The following GSK3B variants were observed in gnomAD, a reference collection of about 807,000 sequenced individuals.
GSK3B encodes glycogen synthase kinase-3 beta.
A neutral mutation model predicts 56.4 loss-of-function variants in GSK3B; 15 were observed. The observed-to-expected ratio is 0.27, with a 90% CI of 0.18 to 0.41. The LOEUF (loss-of-function observed/expected upper bound fraction) is 0.41. Ranked by LOEUF, GSK3B falls within the 10% of genes least tolerant of loss-of-function variation. The probability of loss-of-function intolerance (pLI) is 1.00; values close to 1 mark genes in which losing one functional copy is unlikely to be tolerated. For synonymous variants in GSK3B, 181 were observed against 188.9 expected, an observed-to-expected ratio of 0.96 and a Z score of 0.34; for missense variants, 300 against 513.4, an observed-to-expected ratio of 0.58 and a Z score of 4.02.
At chr3:119,921,896 G>A (rs1166776620) in intron 4 of GSK3B, among the ~76,000 whole-genome samples, 2 of 152,066 alleles carry the variant, frequency 1.3e-5, no homozygotes, top group Non-Finnish European at 1.5e-5. Context: ...TCAGTACTTG[G>A]GGAGTCCCAG....
intron 1 of GSK3B, among the ~76,000 whole-genome samples, chr3:120,075,416 G>GA (rs924133406): frequency 1.3e-5 from 2 of 149,984 alleles, no homozygotes; most frequent in Admixed American, 1.3e-4. Context: ...CAAGAAAAAG[G>GA]AAAAAAAAAG....
chr3:119,926,709 C>A (rs561218295), intron 3 of GSK3B, among the ~76,000 whole-genome samples: 17 of 152,286 alleles, frequency 1.1e-4, no homozygotes, highest in Non-Finnish European at 1.8e-4. Flanking sequence ...TACTTCCCTG[C>A]TATTTCTTGA....
chr3:119,921,906 G>C (rs946400664), intron 4 of GSK3B, among the ~76,000 whole-genome samples: 1 of 152,146 alleles, frequency 6.6e-6, no homozygotes, highest in African/African-American at 2.4e-5. Context: ...GGGAGTCCCA[G>C]CTGGTGGATC....
intron 9 of GSK3B, among the ~76,000 whole-genome samples, chr3:119,854,331 T>C (rs909320131): frequency 6.6e-6 from 1 of 152,222 alleles, no homozygotes; most frequent in African/African-American, 2.4e-5. Flanking sequence ...CAGTATTTTA[T>C]TGAAGATTTT....
chr3:120,014,215 A>G (rs950093801), intron 1 of GSK3B, among the ~76,000 whole-genome samples: 6 of 151,986 alleles, frequency 3.9e-5, no homozygotes, highest in Admixed American at 2.0e-4. Flanking sequence ...TCACATCTGC[A>G]ATCCCAGCAC....
intron 8 of GSK3B, among the ~76,000 whole-genome samples, chr3:119,872,126 CCTAA>C (rs2056256897): frequency 6.6e-6 from 1 of 152,020 alleles, no homozygotes; most frequent in Admixed American, 6.6e-5. Flanking sequence ...ATTAAAAATC[CCTAA>C]TCAACCCTAA....
intron 1 of GSK3B, among the ~76,000 whole-genome samples, chr3:120,059,009 C>CAA (rs1358575864): frequency 3.1e-5 from 2 of 64,666 alleles, no homozygotes; most frequent in Non-Finnish European, 3.3e-5. Context: ...GACTCTGTCT[C>CAA]AAAAAAAAAA....
chr3:120,040,560 T>C (rs566250795), intron 1 of GSK3B, among the ~76,000 whole-genome samples: 1 of 151,702 alleles, frequency 6.6e-6, no homozygotes, highest in East Asian at 1.9e-4. Context: ...CAGAGAAGAA[T>C]AGGCAAGAAG....
Position 120,037,209 on chromosome 3 carries a change from T to C in GSK3B, c.89-34970A>G, listed in dbSNP as rs150223134. 2.2e-4 allele frequency among the ~76,000 whole-genome samples: 33 copies of C among 152,380 alleles called. 2 individuals carry two copies. In the East Asian group the frequency reaches 5.6e-3, roughly 26 times the overall value. ...TGCCCTAAAGGACCCTTGTTTATCT[T>C]ACTGGCCTTCCAGTTCTAACTTTAA... On this transcript the variant is annotated intron_variant, in intron 1 of 10. Coordinates refer to ENST00000264235, the MANE Select transcript of GSK3B (RefSeq NM_001146156.2).
At chr3:119,926,880 T>C (rs1307736902) in intron 3 of GSK3B, among the ~76,000 whole-genome samples, 1 of 152,164 alleles carries the variant, frequency 6.6e-6, no homozygotes, top group Non-Finnish European at 1.5e-5. Context: ...CTTTCCTTAA[T>C]CATTCCATTT....
At chr3:120,067,839 A>C (rs2058292764) in intron 1 of GSK3B, among the ~76,000 whole-genome samples, 1 of 152,346 alleles carries the variant, frequency 6.6e-6, no homozygotes, top group East Asian at 1.9e-4. Context: ...TACCAATTGA[A>C]AGGAGAGTTA....
rs573222862 is a variant in GSK3B, at chr3:119,882,871, C to T, written c.814-6363G>A. 3.9e-5 allele frequency among the ~76,000 whole-genome samples: 6 copies of T among 152,300 alleles called. No individual in the cohort carries two copies. The South Asian group carries it at 1.0e-3, about 26-fold the overall frequency. ...AAGGTTTCTTTATTATATTTACAAT[C>T]AGTGGTCAGAGTTTTAACTAGCTAT... On this transcript the variant is annotated intron_variant, in intron 7 of 10. Transcript: ENST00000264235.
chr3:119,950,160 A>T (rs1471429656), intron 2 of GSK3B, among the ~76,000 whole-genome samples: 2 of 152,244 alleles, frequency 1.3e-5, no homozygotes, highest in Non-Finnish European at 1.5e-5. Flanking sequence ...ACGTTAAAAA[A>T]TTTTTAGAAA....
At chr3:119,996,036 C>T (rs970000004) in intron 2 of GSK3B, among the ~76,000 whole-genome samples, 7 of 152,178 alleles carry the variant, frequency 4.6e-5, no homozygotes, top group African/African-American at 1.7e-4. Flanking sequence ...CCACTCCTGG[C>T]CTAAGCCTGA....
chr3:119,934,631 T>C (rs2056977013), intron 3 of GSK3B, among the ~76,000 whole-genome samples: 1 of 152,192 alleles, frequency 6.6e-6, no homozygotes, highest in Non-Finnish European at 1.5e-5. Flanking sequence ...ACCAAGGACA[T>C]CTGAATAAAC....
intron 7 of GSK3B, among the ~76,000 whole-genome samples, chr3:119,891,705 A>G (rs1434751186): frequency 6.6e-6 from 1 of 152,094 alleles, no homozygotes; most frequent in Non-Finnish European, 1.5e-5. Context: ...TTTTGACTTA[A>G]AGGAAATTAA....
intron 9 of GSK3B, among the ~76,000 whole-genome samples, chr3:119,861,048 A>G (rs2056094799): frequency 6.6e-6 from 1 of 152,184 alleles, no homozygotes; most frequent in Non-Finnish European, 1.5e-5. Flanking sequence ...AACCCCTTGG[A>G]TTACCCAGTT....
At chr3:119,851,350 A>G (rs1175940954) in intron 9 of GSK3B, among the ~76,000 whole-genome samples, 1 of 152,226 alleles carries the variant, frequency 6.6e-6, no homozygotes, top group Non-Finnish European at 1.5e-5. Flanking sequence ...AATGAAACCT[A>G]CATCTAGTTG....
chr3:119,965,323 C>T (rs1361448632), intron 2 of GSK3B, among the ~76,000 whole-genome samples: 1 of 151,242 alleles, frequency 6.6e-6, no homozygotes, highest in African/African-American at 2.4e-5. Context: ...CTCAGCCTCC[C>T]GAAGTGCTGA....
Sources: allele counts gnomAD v4.1 joint callset (sites outside exome capture counted in the v4.1 genomes callset), GRCh38; gene constraint gnomAD v4.1.1; transcripts MANE v1.5; gene names NCBI Gene and HGNC (gene_info 2026-07-23, HGNC 2026-07-21).